The following SYBU variants were observed in gnomAD, a reference collection of about 807,000 sequenced individuals.
SYBU encodes syntabulin.
In SYBU, 21 loss-of-function variants were observed where a neutral mutation model predicts 35.9. The observed-to-expected ratio is 0.58, with a 90% CI of 0.41 to 0.84. The LOEUF is 0.84. Among genes scored for constraint, SYBU ranks in the 40% least tolerant of loss-of-function variants. The pLI, the probability that SYBU is intolerant of heterozygous loss-of-function variation, is 0.00. For missense variants in SYBU, 768 were observed against 848.2 expected, an observed-to-expected ratio of 0.91 and a Z score of 1.17; for synonymous variants, 319 against 324.3, an observed-to-expected ratio of 0.98 and a Z score of 0.18.
chr8:109,659,382 CT>C (rs1298259043), intron 1 of SYBU, among the ~76,000 whole-genome samples: 1 of 152,180 alleles, frequency 6.6e-6, no homozygotes, highest in African/African-American at 2.4e-5. Context: ...TACAAAACTT[CT>C]ATTCATGATG....
upstream of SYBU, among the ~76,000 whole-genome samples, chr8:109,649,499 C>T (rs1323648632): frequency 1.3e-5 from 2 of 152,156 alleles, no homozygotes; most frequent in Admixed American, 1.3e-4. Flanking sequence ...TGTCAATTAT[C>T]TCTGCCCGAC....
intron 2 of SYBU, 121 bp downstream of exon 2, chr8:109,642,607 C>T: frequency 1.8e-6 from 1 of 555,212 alleles, no homozygotes; most frequent in South Asian, 6.3e-5. Flanking sequence ...CCACCTTCTA[C>T]AATTCATCCT....
At chr8:109,666,908 C>T (rs7843208) in intron 1 of SYBU, among the ~76,000 whole-genome samples, 10,393 of 152,100 alleles carry the variant, frequency 0.068, 901 homozygotes, top group African/African-American at 0.2. Flanking sequence ...TGTATCCCAC[C>T]TTCTCCATCT....
chr8:109,627,011 T>C (rs1813054805), intron 2 of SYBU, among the ~76,000 whole-genome samples: 1 of 152,188 alleles, frequency 6.6e-6, no homozygotes, highest in Non-Finnish European at 1.5e-5. Context: ...CAGAGCCCAC[T>C]GGCTTTCAAA....
At chr8:109,591,372 C>T (rs1289484785) in intron 3 of SYBU, among the ~76,000 whole-genome samples, 2 of 152,030 alleles carry the variant, frequency 1.3e-5, no homozygotes, top group Admixed American at 1.3e-4. Flanking sequence ...TATAAAGAGA[C>T]TCTTATTTTC....
At chr8:109,610,175 C>A (rs1305808951) in intron 3 of SYBU, among the ~76,000 whole-genome samples, 1 of 152,116 alleles carries the variant, frequency 6.6e-6, no homozygotes, top group Non-Finnish European at 1.5e-5. Flanking sequence ...CCTGACTATC[C>A]CCCATCACTC....
Position 109,579,808 on chromosome 8 carries a change from G to A in SYBU, c.725C>T (p.Pro242Leu), listed in dbSNP as rs746736070. Residue 242 changes from proline to leucine, a missense_variant, in exon 5 of 7, where the codon CCC becomes CTC. Coordinates refer to ENST00000276646, the MANE Select transcript of SYBU (RefSeq NM_001099754.2). ...GGTGAGCAGGACTCACCTCATGATG[G>A]GGCTACAGTCGCTTCCTTTGTAGGA... is the stretch of plus-strand genomic sequence containing the variant. ...SGSYKGSDCSPIMRRSGRYMS... is the reference protein window; with the variant it reads ...SGSYKGSDCSLIMRRSGRYMS... The A allele has an allele frequency of 6.2e-7, 1 of 1,613,934 alleles. No individual in the cohort carries two copies. Among genetic ancestry groups the A allele is most frequent in the South Asian group, 1.1e-5 (1 of 91,064 alleles).
chr8:109,616,202 G>C (rs1469406747), intron 3 of SYBU, among the ~76,000 whole-genome samples: 6 of 150,752 alleles, frequency 4.0e-5, no homozygotes, highest in African/African-American at 1.5e-4. Flanking sequence ...AGTAGAGACG[G>C]GGTTTCACCA....
intron 4 of SYBU, among the ~76,000 whole-genome samples, chr8:109,581,962 A>G (rs1260028568): frequency 2.6e-5 from 4 of 152,252 alleles, no homozygotes; most frequent in Non-Finnish European, 5.9e-5. Context: ...CAACTTCAGC[A>G]GCCCATGGTA....
intron 3 of SYBU, among the ~76,000 whole-genome samples, chr8:109,605,952 T>C (rs1056211278): frequency 5.3e-5 from 8 of 152,256 alleles, no homozygotes; most frequent in Non-Finnish European, 7.3e-5. Context: ...ACTAGACTTA[T>C]GCTATGGCTC....
intron 6 of SYBU, 87 bp downstream of exon 6, chr8:109,577,781 T>C: frequency 7.3e-7 from 1 of 1,368,210 alleles, no homozygotes; most frequent in Non-Finnish European, 9.8e-7. Flanking sequence ...TTTTTTCTTT[T>C]CTATCTTTCT....
upstream of SYBU, chr8:109,645,628 T>TG (rs199665646): frequency 6.1e-5 from 17 of 277,084 alleles, no homozygotes; most frequent in East Asian, 4.3e-4. Context: ...GTTGTTTCGT[T>TG]TTTTGTTTTT....
At chr8:109,613,722 G>A (rs1412671439) in intron 3 of SYBU, among the ~76,000 whole-genome samples, 1 of 152,244 alleles carries the variant, frequency 6.6e-6, no homozygotes, top group African/African-American at 2.4e-5. Context: ...TGAAGTGAAA[G>A]TGATGCTCAT....
intron 1 of SYBU, among the ~76,000 whole-genome samples, chr8:109,663,294 T>C (rs1011130762): frequency 1.3e-5 from 2 of 150,516 alleles, no homozygotes; most frequent in South Asian, 2.1e-4. Context: ...GATAGATAGA[T>C]AGATAGGTAG....
intron 3 of SYBU, among the ~76,000 whole-genome samples, chr8:109,600,853 G>A (rs911968434): frequency 6.6e-6 from 1 of 152,150 alleles, no homozygotes; most frequent in Non-Finnish European, 1.5e-5. Context: ...GACGTTTAAT[G>A]CAAACACTTA....
intron 3 of SYBU, among the ~76,000 whole-genome samples, chr8:109,586,842 C>T (rs1823678460): frequency 6.6e-6 from 1 of 152,182 alleles, no homozygotes; most frequent in African/African-American, 2.4e-5. Context: ...TAGGGATGTT[C>T]ATTAGTTTGC....
chr8:109,588,709 C>T, intron 3 of SYBU, among the ~76,000 whole-genome samples: 1 of 152,076 alleles, frequency 6.6e-6, no homozygotes, highest in East Asian at 1.9e-4. Flanking sequence ...ATCACACCCC[C>T]CGCCCCCGCC....
At chr8:109,586,010 G>A in intron 4 of SYBU, 50 bp downstream of exon 4, 7 of 1,288,668 alleles carry the variant, frequency 5.4e-6, no homozygotes, top group Non-Finnish European at 7.8e-6. Context: ...AGGTGCAGGT[G>A]AGTCACCTGT....
At chr8:109,640,838 A>G (rs1466419306) in intron 2 of SYBU, among the ~76,000 whole-genome samples, 1 of 145,896 alleles carries the variant, frequency 6.9e-6, no homozygotes, top group African/African-American at 2.6e-5. Flanking sequence ...AAAAAAAAAA[A>G]GTAGGCAGTG....
Sources: allele counts gnomAD v4.1 joint callset (sites outside exome capture counted in the v4.1 genomes callset), GRCh38; gene constraint gnomAD v4.1.1; transcripts MANE v1.5; gene names NCBI Gene and HGNC (gene_info 2026-07-23, HGNC 2026-07-21).